PXK: variants seen among roughly 807,000 people sequenced by gnomAD.
PXK encodes PX domain-containing protein kinase-like protein.
PXK carries 35 observed loss-of-function variants against 84.7 expected under a neutral mutation model. That is an observed-to-expected ratio of 0.41 (90% CI 0.32 to 0.55). The LOEUF is 0.55. Among genes scored for constraint, PXK ranks in the 20% least tolerant of loss-of-function variants. PXK has a pLI of 0.21. For synonymous variants in PXK, 253 were observed against 260.8 expected (o/e 0.97, Z 0.29); for missense variants, 634 against 699.7 (o/e 0.91, Z 1.06).
In PXK at chr3:58,420,606, T is replaced by C; in HGVS notation, c.1529-4146T>C. On this transcript the variant is annotated intron_variant, in intron 17 of 17. Transcript: ENST00000356151. ...ATGCTGATTTCTCAGACTTTAAAGATGCTCTGTTTCTGTGTGTGAAATAGG... is the reference window on the plus strand; with the variant it reads ...ATGCTGATTTCTCAGACTTTAAAGACGCTCTGTTTCTGTGTGTGAAATAGG... The C allele has an allele frequency of 2.0e-6, 3 of 1,536,044 alleles. No homozygotes were observed. In the East Asian group the frequency reaches 7.3e-5, roughly 38 times the overall value.
intron 1 of PXK, among the ~76,000 whole-genome samples, chr3:58,357,372 C>T (rs781522471): frequency 6.6e-6 from 1 of 152,152 alleles, no homozygotes; most frequent in African/African-American, 2.4e-5. Flanking sequence ...TCCACTTCCA[C>T]ATCCTGTCCC....
chr3:58,420,483 T>C (rs2061660286), intron 17 of PXK: 17 of 1,528,590 alleles, frequency 1.1e-5, no homozygotes, highest in Non-Finnish European at 1.5e-5. Flanking sequence ...GACACTAAAA[T>C]CTGAATAATG....
rs1297933994 is a variant in PXK at position 58,397,110 on chromosome 3, G to C, written c.894G>C (p.Gly298=). 1 of 1,614,020 alleles carries C rather than the reference G, an allele frequency of 6.2e-7. No individual in the cohort carries two copies. The highest frequency in any genetic ancestry group is 1.7e-5 in the Admixed American group (1 of 60,000). ...ACGCCTCCAATGTGATGCTCGATGGGGACACTTGCCGGCTGCTGGACCTTG... is the reference window on the plus strand; with the variant it reads ...ACGCCTCCAATGTGATGCTCGATGGCGACACTTGCCGGCTGCTGGACCTTG... The part of the protein sequence containing the change: ...HLHASNVMLD[G]DTCRLLDLEN... The change falls in exon 10 of 18, where the codon GGG becomes GGC. Residue 298 remains glycine, a synonymous_variant. Coordinates refer to ENST00000356151, the MANE Select transcript of PXK (RefSeq NM_017771.5). This position sits in a 1 kb window ranked among gnomAD's most constrained non-coding sequence, Gnocchi z 4.7.
intron 1 of PXK, among the ~76,000 whole-genome samples, chr3:58,351,395 TTGTGTGTGTGTGTGTG>T (rs57349140): frequency 8.5e-5 from 12 of 140,582 alleles, no homozygotes; most frequent in African/African-American, 3.0e-4. Context: ...AGCTAGCTAT[TTGTGTGTGTGTGTGTG>T]TGTGTGTGTG....
Position 58,398,890 on chromosome 3 carries a change from T to C in PXK, c.1103-409T>C, listed in dbSNP as rs186081947. Among the ~76,000 whole-genome samples the C allele has an allele frequency of 9.8e-4, 150 of 152,332 alleles. No individual in the cohort carries two copies. The highest frequency in any genetic ancestry group is 2.7e-3 in the African/African-American group (113 of 41,580). ...TAATAGCATCCAAGGTGTTGGATGA[T>C]GAGATATCAACAATTGGCATTTTGT... is the stretch of plus-strand genomic sequence containing the variant. On this transcript the variant is annotated intron_variant, in intron 11 of 17. Transcript: ENST00000356151. This position sits in a 1 kb window ranked among gnomAD's most constrained non-coding sequence, Gnocchi z 4.5.
At chr3:58,337,014 TG>T (rs1259363317) in intron 1 of PXK, among the ~76,000 whole-genome samples, 1 of 152,046 alleles carries the variant, frequency 6.6e-6, no homozygotes, top group East Asian at 1.9e-4. Flanking sequence ...TTCACCACGT[TG>T]ACTAGGCTGG....
At chr3:58,382,867 A>G (rs1472302873) in intron 4 of PXK, among the ~76,000 whole-genome samples, 167 bp downstream of exon 4, 1 of 152,224 alleles carries the variant, frequency 6.6e-6, no homozygotes, top group Non-Finnish European at 1.5e-5. Context: ...TTTACTGTAG[A>G]TGTATAAGAA....
rs1277059546 is a variant in PXK at position 58,380,531 on chromosome 3, C to T, written c.202-1983C>T. On this transcript the variant is annotated intron_variant, in intron 3 of 17. Transcript: ENST00000356151. ...ATTTATTTAAAATTCTGAAGAAAGG[C>T]CGGGTGCAGTGGCTCACGCCTGTAA... Among the ~76,000 whole-genome samples the T allele has an allele frequency of 2.0e-5, 3 of 152,156 alleles. No individual in the cohort carries two copies. The East Asian group carries it at 5.8e-4, about 29-fold the overall frequency.
rs57185348 is a variant in PXK, at chr3:58,413,341, G to A, written c.1528+378G>A. 561 of 241,350 alleles carry A rather than the reference G, an allele frequency of 2.3e-3. 3 individuals are homozygous for A. The highest frequency in any genetic ancestry group is 0.011 in the African/African-American group (494 of 44,606). 15.0% of individuals were successfully genotyped at this position (241,350 alleles called of 1,614,324 possible). On this transcript the variant is annotated intron_variant, in intron 17 of 17. Coordinates refer to ENST00000356151, the MANE Select transcript of PXK (RefSeq NM_017771.5). ...CCAGGCCTCTCTCCTCAGGGAGCCC[G>A]TCCATAGGGTCAGTTTTGTCACAGA...
intron 8 of PXK, among the ~76,000 whole-genome samples, chr3:58,395,422 T>C (rs1346108861): frequency 5.3e-5 from 8 of 152,206 alleles, no homozygotes; most frequent in African/African-American, 1.9e-4. Context: ...ATGCAAGACT[T>C]TGGGGTCTGC....
In PXK at chr3:58,416,987, G is replaced by A. The variant is rs899905631; in HGVS notation, c.1528+4024G>A. On this transcript the variant is annotated intron_variant, in intron 17 of 17. Coordinates refer to ENST00000356151, the MANE Select transcript of PXK (RefSeq NM_017771.5). This position sits in a 1 kb window ranked among gnomAD's most constrained non-coding sequence, Gnocchi z 4.8. ...GTTCTTCCTTGCAGAACTGGAGGTCGGTCTTCTCCTGGGCTCAAGTGATCC... is the reference window on the plus strand; with the variant it reads ...GTTCTTCCTTGCAGAACTGGAGGTCAGTCTTCTCCTGGGCTCAAGTGATCC... Among the ~76,000 whole-genome samples, 14 of 152,214 alleles carry A rather than the reference G, an allele frequency of 9.2e-5. No homozygotes were observed. The highest frequency in any genetic ancestry group is 2.0e-4 in the Admixed American group (3 of 15,296).
intron 13 of PXK, among the ~76,000 whole-genome samples, chr3:58,404,713 T>C (rs1212952050): frequency 1.3e-5 from 2 of 152,170 alleles, no homozygotes; most frequent in Non-Finnish European, 2.9e-5. Context: ...GCGATTTGGG[T>C]AGGAGGATAA....
At position 58,364,506 on chromosome 3, in the gene PXK, G is replaced by A. The variant is rs186655814; in HGVS notation, c.103-1368G>A. Among the ~76,000 whole-genome samples, 28 of 152,292 alleles carry A rather than the reference G, an allele frequency of 1.8e-4. No individual in the cohort carries two copies. Among genetic ancestry groups the A allele is most frequent in the African/African-American group, 6.5e-4 (27 of 41,550 alleles). On this transcript the variant is annotated intron_variant, in intron 1 of 17. Coordinates refer to ENST00000356151, the MANE Select transcript of PXK (RefSeq NM_017771.5). This position sits in a 1 kb window ranked among gnomAD's most constrained non-coding sequence, Gnocchi z 4.3. ...GTGGGCGGATTACTTGAGGTCAGGAGTTCGAGACCAGCTGGGCCAATATGG... is the reference window on the plus strand; with the variant it reads ...GTGGGCGGATTACTTGAGGTCAGGAATTCGAGACCAGCTGGGCCAATATGG...
chr3:58,422,625 C>T (rs1439417746), intron 17 of PXK: 9 of 985,284 alleles, frequency 9.1e-6, no homozygotes, highest in African/African-American at 1.7e-5. Flanking sequence ...CCAAACTCTG[C>T]GGTGGTGCAT....
Position 58,410,133 on chromosome 3 carries a change from C to T in PXK, c.1439C>T (p.Ala480Val), listed in dbSNP as rs747888455. 1.7e-5 allele frequency: 28 copies of T among 1,600,178 alleles called. No homozygotes were observed. Among genetic ancestry groups the T allele is most frequent in the East Asian group, 2.2e-5 (1 of 44,864 alleles). The change falls in exon 16 of 18, where the codon GCG becomes GTG. Residue 480 changes from alanine to valine, a missense_variant. By Grantham distance (64) the Ala-to-Val change is moderately conservative. Around this residue, in one of 3 missense-constraint regions of PXK, gnomAD observed 273 missense variants for 283.6 expected, o/e 0.96. Coordinates refer to ENST00000356151, the MANE Select transcript of PXK (RefSeq NM_017771.5). ...CTTGAAAATAGTGAAGAGCATTCAGCGAAGTACAGCAACTCCAATAATTCA... is the reference window on the plus strand; with the variant it reads ...CTTGAAAATAGTGAAGAGCATTCAGTGAAGTACAGCAACTCCAATAATTCA... ...SALENSEEHSAKYSNSNNSAG... is the reference protein window; with the variant it reads ...SALENSEEHSVKYSNSNNSAG...
rs1291508909 is a variant in PXK at position 58,333,300 on chromosome 3, A to AT, written c.102+211dup. The AT allele has an allele frequency of 3.0e-5, 9 of 301,950 alleles. No homozygotes were observed. In the East Asian group the frequency reaches 8.2e-4, roughly 28 times the overall value. The allele number at this position is 301,950 out of a possible 1,614,324, so 18.7% of individuals were successfully genotyped here. A position where few individuals can be genotyped will look rare whatever the true frequency, so the allele number is the denominator to read the frequency against. ...ACGCTGAGGCCCGGAGGGGCCAAGG[A>AT]TGGGGACCGCAGCTCCCGGCGCCGC... On this transcript the variant is annotated intron_variant, in intron 1 of 17. Transcript: ENST00000356151. The surrounding 1 kb of genome is among the most constrained non-coding windows in gnomAD (Gnocchi z 5.4).
intron 3 of PXK, among the ~76,000 whole-genome samples, chr3:58,378,003 G>C (rs1233211328): frequency 3.3e-5 from 5 of 152,198 alleles, no homozygotes; most frequent in East Asian, 1.9e-4. Flanking sequence ...GAAGCAGTCA[G>C]ATCCCCAAAT....
intron 17 of PXK, chr3:58,420,690 T>C (rs1166239958): frequency 2.0e-6 from 3 of 1,497,942 alleles, no homozygotes; most frequent in Admixed American, 2.2e-5. Context: ...TTTGAGACTA[T>C]TTCCTTATCT....
At chr3:58,405,568 A>C (rs113358751) in intron 13 of PXK, among the ~76,000 whole-genome samples, 19,734 of 151,698 alleles carry the variant, frequency 0.13, 1,970 homozygotes, top group African/African-American at 0.27. Flanking sequence ...AATCCCAGCT[A>C]CTCGGGAGGC....
Sources: gnomAD v4.1 joint callset for allele counts (sites outside exome capture counted in the v4.1 genomes callset) on GRCh38, gnomAD v4.1.1 for gene constraint, gnomAD v4.1.1 regional missense constraint, Gnocchi (gnomAD v3.1) non-coding constraint, MANE v1.5 for transcripts, NCBI Gene and HGNC (gene_info 2026-07-23, HGNC 2026-07-21) for gene names.